The following NIPAL1 variants were observed in gnomAD, a reference collection of about 807,000 sequenced individuals.
NIPAL1 encodes the protein magnesium transporter NIPA3.
Under a neutral mutation model 37.7 loss-of-function variants are expected in NIPAL1, and 35 were observed. That is an observed-to-expected ratio of 0.93 (90% CI 0.71 to 1.23). The LOEUF is 1.23. NIPAL1 is among the 50% of genes most tolerant of loss of function. The pLI, the probability that NIPAL1 is intolerant of heterozygous loss-of-function variation, is 0.00. For missense variants in NIPAL1, 412 were observed against 473.9 expected, an observed-to-expected ratio of 0.87 and a Z score of 1.21; for synonymous variants, 162 against 183.0, an observed-to-expected ratio of 0.89 and a Z score of 0.93.
intron 3 of NIPAL1, among the ~76,000 whole-genome samples, chr4:48,031,626 G>C (rs115159940): frequency 0.013 from 1,920 of 152,240 alleles, 40 homozygotes; most frequent in African/African-American, 0.044. Context: ...TTAAGTAAGT[G>C]ATATATATAC....
At chr4:48,030,288 T>A in intron 3 of NIPAL1, 112 bp downstream of exon 3, 1 of 669,894 alleles carries the variant, frequency 1.5e-6, no homozygotes, top group Non-Finnish European at 2.6e-6. Context: ...GGATGGAATT[T>A]AAGTCTAAAC....
intron 1 of NIPAL1, among the ~76,000 whole-genome samples, chr4:48,023,079 T>G (rs2109366201): frequency 6.6e-6 from 1 of 151,750 alleles, no homozygotes; most frequent in East Asian, 1.9e-4. Flanking sequence ...TTTTGTTTTG[T>G]TTTTGTTTTT....
chr4:48,016,917 C>A (rs1426488764), intron 1 of NIPAL1, 32 bp downstream of exon 1: 1 of 1,578,674 alleles, frequency 6.3e-7, no homozygotes, highest in South Asian at 1.2e-5. Context: ...AGGGACCTGG[C>A]AGCTGGGTGG....
chr4:48,035,287 A>G (rs1715901702), intron 5 of NIPAL1, among the ~76,000 whole-genome samples: 1 of 152,240 alleles, frequency 6.6e-6, no homozygotes, highest in Admixed American at 6.5e-5. Flanking sequence ...ACATATATTC[A>G]AAATCAAATC....
chr4:48,034,790 G>C, intron 4 of NIPAL1, 91 bp from the exon 5 acceptor site: 4 of 911,258 alleles, frequency 4.4e-6, no homozygotes, highest in Non-Finnish European at 6.9e-6. Context: ...TGGGATACAT[G>C]GTGGCATGTA....
Position 48,036,265 on chromosome 4 carries a change from AT to A in NIPAL1, c.*98del, listed in dbSNP as rs768250553. On this transcript the variant is annotated 3_prime_UTR_variant, in exon 6 of 6. Transcript: ENST00000295461. ...TGGAAGAACTGCTAGGAAAGTTAGC[AT>A]TTTTGCAGTTCTAACTAATTTAGAT... 4.7e-6 allele frequency: 6 copies of A among 1,273,878 alleles called. No homozygotes were observed. The highest frequency in any genetic ancestry group is 5.5e-4 in the Middle Eastern group (2 of 3,638). 78.9% of individuals were successfully genotyped at this position (1,273,878 alleles called of 1,614,324 possible). A position where few individuals can be genotyped will look rare whatever the true frequency, so the allele number is the denominator to read the frequency against.
chr4:48,039,358 C>T lies in NIPAL1; in HGVS notation c.*3186C>T, dbSNP rs1716028430. The T allele has an allele frequency of 6.6e-6, 1 of 151,456 alleles. No individual in the cohort carries two copies. The highest frequency in any genetic ancestry group is 2.1e-4 in the South Asian group (1 of 4,754). The allele number at this position is 151,456 out of a possible 1,614,324, so 9.4% of individuals were successfully genotyped here. A position where few individuals can be genotyped will look rare whatever the true frequency, so the allele number is the denominator to read the frequency against. On this transcript the variant is annotated 3_prime_UTR_variant, in exon 6 of 6. Transcript: ENST00000295461. ...CTCCGTCTCAAAAAAAAAAAAAATT[C>T]CCAAATAGGAAGATATTTTCTAAGG... is the stretch of plus-strand genomic sequence containing the variant.
intron 2 of NIPAL1, 79 bp from the exon 3 acceptor site, chr4:48,030,041 G>T: frequency 1.3e-6 from 1 of 796,928 alleles, no homozygotes; most frequent in Non-Finnish European, 2.2e-6. Context: ...AATCCAGTAC[G>T]CTTCCTAGAA....
At chr4:48,035,063 A>G (rs1715896933) in intron 5 of NIPAL1, 22 bp downstream of exon 5, 1 of 1,602,362 alleles carries the variant, frequency 6.2e-7, no homozygotes, top group African/African-American at 1.3e-5. Flanking sequence ...AACCTAAAGA[A>G]CCACTCAAAT....
rs1715972881 is a variant in NIPAL1, at chr4:48,037,223, G to A, written c.*1051G>A. 2.4e-6 allele frequency: 1 copy of A among 419,834 alleles called. No homozygotes were observed. 26.0% of individuals were successfully genotyped at this position (419,834 alleles called of 1,614,324 possible). A position where few individuals can be genotyped will look rare whatever the true frequency, so the allele number is the denominator to read the frequency against. ...AACGGAGGAAGAGAAAAATACTTCA[G>A]ATAAAGGAAAAAGTTTTCTTCTCAC... On this transcript the variant is annotated 3_prime_UTR_variant, in exon 6 of 6. Transcript: ENST00000295461.
chr4:48,030,767 C>T lies in NIPAL1; in HGVS notation c.370+591C>T, dbSNP rs112544214. ...AGAAGGCAGTGTTCATCTCCCTCAG[C>T]CACTTTTGCTGACTTCAGTCTCCCC... On this transcript the variant is annotated intron_variant, in intron 3 of 5. Coordinates refer to ENST00000295461, the MANE Select transcript of NIPAL1 (RefSeq NM_207330.3). Among the ~76,000 whole-genome samples, 55 of 152,314 alleles carry T rather than the reference C, an allele frequency of 3.6e-4. 1 individual carries two copies. The highest frequency in any genetic ancestry group is 1.2e-3 in the African/African-American group (48 of 41,576).
At chr4:48,028,874 T>C (rs1214946491) in intron 2 of NIPAL1, among the ~76,000 whole-genome samples, 2 of 152,128 alleles carry the variant, frequency 1.3e-5, no homozygotes, top group Non-Finnish European at 2.9e-5. Flanking sequence ...GATAACCATC[T>C]TACACTAGTC....
rs11329586 is a variant in NIPAL1 at position 48,023,975 on chromosome 4, C to CT, written c.47-1074dup. Reference sequence around the variant, plus strand: ...ACCAAATGAGTTAGACAGATTTCTTCTTTTTTTTTTTTTTTTTTTGGAGAT... The same window carrying CT: ...ACCAAATGAGTTAGACAGATTTCTTCTTTTTTTTTTTTTTTTTTTTGGAGAT... On this transcript the variant is annotated intron_variant, in intron 1 of 5. Transcript: ENST00000295461. Among the ~76,000 whole-genome samples the CT allele has an allele frequency of 4.7e-3, 507 of 107,756 alleles. 7 individuals are homozygous for CT. The highest frequency in any genetic ancestry group is 0.025 in the Admixed American group (261 of 10,262). 70.7% of individuals were successfully genotyped at this position (107,756 alleles called of 152,430 possible).
At chr4:48,018,061 AT>A (rs1246444690) in intron 1 of NIPAL1, among the ~76,000 whole-genome samples, 1 of 152,140 alleles carries the variant, frequency 6.6e-6, no homozygotes, top group Non-Finnish European at 1.5e-5. Flanking sequence ...ATTAAAAAAA[AT>A]TTTTTAAGGC....
At chr4:48,020,223 A>T (rs73149628) in intron 1 of NIPAL1, among the ~76,000 whole-genome samples, 3,647 of 152,264 alleles carry the variant, frequency 0.024, 158 homozygotes, top group African/African-American at 0.084. Flanking sequence ...GATGTCAGAG[A>T]CGAGCCAGTT....
chr4:48,022,113 T>C (rs574329792), intron 1 of NIPAL1, among the ~76,000 whole-genome samples: 1 of 152,152 alleles, frequency 6.6e-6, no homozygotes, highest in Non-Finnish European at 1.5e-5. Context: ...CCTGGAAAAT[T>C]ACTGTGCTTA....
intron 3 of NIPAL1, among the ~76,000 whole-genome samples, chr4:48,031,494 C>G (rs1715817279): frequency 6.6e-6 from 1 of 152,196 alleles, no homozygotes; most frequent in Admixed American, 6.5e-5. Flanking sequence ...TCTCCCCACC[C>G]TCTACCCATA....
rs1312759675 is a variant in NIPAL1 at position 48,039,529 on chromosome 4, G to T, written c.*3357G>T. On this transcript the variant is annotated 3_prime_UTR_variant, in exon 6 of 6. Coordinates refer to ENST00000295461, the MANE Select transcript of NIPAL1 (RefSeq NM_207330.3). ...GTGTGTTATTAAGGATTACAAAGTTGTGCTCACACAGGACAAATGGAAAGA... is the reference window on the plus strand; with the variant it reads ...GTGTGTTATTAAGGATTACAAAGTTTTGCTCACACAGGACAAATGGAAAGA... The T allele has an allele frequency of 6.6e-6, 1 of 152,154 alleles. No individual in the cohort carries two copies. Among genetic ancestry groups the T allele is most frequent in the African/African-American group, 2.4e-5 (1 of 41,446 alleles). 9.4% of individuals were successfully genotyped at this position (152,154 alleles called of 1,614,324 possible).
intron 2 of NIPAL1, among the ~76,000 whole-genome samples, chr4:48,026,965 G>A (rs945396779): frequency 9.9e-5 from 15 of 151,682 alleles, no homozygotes; most frequent in Admixed American, 8.5e-4. Flanking sequence ...TGATCCGCCC[G>A]CCTCGGCCTC....
Sources: gnomAD v4.1 joint callset for allele counts (sites outside exome capture counted in the v4.1 genomes callset) on GRCh38, gnomAD v4.1.1 for gene constraint, MANE v1.5 for transcripts, NCBI Gene and HGNC (gene_info 2026-07-23, HGNC 2026-07-21) for gene names.